The following HTR2C variants were observed in gnomAD, a reference collection of about 807,000 sequenced individuals.
The protein encoded by HTR2C is 5-hydroxytryptamine receptor 2C.
HTR2C carries 5 observed loss-of-function variants against 21.0 expected under a neutral mutation model. The ratio of observed to expected loss-of-function variants is 0.24; its 90% CI spans 0.12 to 0.50. HTR2C has a LOEUF of 0.50. HTR2C is among the 20% of genes least tolerant of loss of function. HTR2C has a pLI of 0.98. For synonymous variants in HTR2C, 150 were observed against 145.3 expected, an observed-to-expected ratio of 1.03 and a Z score of -0.23; for missense variants, 271 against 371.2, an observed-to-expected ratio of 0.73 and a Z score of 2.22.
intron 4 of HTR2C, among the ~76,000 whole-genome samples, chrX:114,765,973 A>C (rs2069944244): frequency 9.0e-6 from 1 of 111,622 alleles, no homozygotes; most frequent in Non-Finnish European, 1.9e-5. Context: ...GACTTGAAGG[A>C]TTTTCATACT....
At chrX:114,609,117 T>C (rs1277124157) in intron 1 of HTR2C, among the ~76,000 whole-genome samples, 3 of 111,732 alleles carry the variant, frequency 2.7e-5, no homozygotes, top group African/African-American at 6.5e-5. Context: ...GTAGGAACTT[T>C]GGTTGGTATG....
At chrX:114,726,378 G>A (rs900489854) in intron 2 of HTR2C, among the ~76,000 whole-genome samples, 85 of 112,080 alleles carry the variant, frequency 7.6e-4, no homozygotes, top group Non-Finnish European at 1.3e-3. Flanking sequence ...TTCGGCTCGC[G>A]CACGGTGCGT....
chrX:114,603,102 G>A (rs1556395322), intron 1 of HTR2C, among the ~76,000 whole-genome samples: 1 of 110,502 alleles, frequency 9.0e-6, no homozygotes, highest in Non-Finnish European at 1.9e-5. Flanking sequence ...GGGGAAATGG[G>A]GTGAATGTCA....
At chrX:114,700,646 A>T (rs1161126472) in intron 2 of HTR2C, among the ~76,000 whole-genome samples, 2 of 112,532 alleles carry the variant, frequency 1.8e-5, no homozygotes, top group Non-Finnish European at 3.8e-5. Context: ...AAGACAGGTG[A>T]TTTCCTCATT....
chrX:114,877,595 G>T (rs1409802016), intron 5 of HTR2C, among the ~76,000 whole-genome samples: 1 of 110,213 alleles, frequency 9.1e-6, no homozygotes, highest in Admixed American at 9.7e-5. Flanking sequence ...CTTCCTATTA[G>T]AACTACTATT....
At chrX:114,634,271 G>A (rs1236446984) in intron 2 of HTR2C, among the ~76,000 whole-genome samples, 1 of 109,926 alleles carries the variant, frequency 9.1e-6, no homozygotes, top group Non-Finnish European at 1.9e-5. Flanking sequence ...TTAGAAACAA[G>A]GCTAATTTTT....
chrX:114,775,697 C>G, intron 4 of HTR2C: 1 of 627,195 alleles, frequency 1.6e-6, no homozygotes, highest in Admixed American at 2.9e-5. Flanking sequence ...AAGGTTGATG[C>G]TCTTATTCAG....
chrX:114,872,068 C>G, intron 5 of HTR2C, among the ~76,000 whole-genome samples: 1 of 109,778 alleles, frequency 9.1e-6, no homozygotes, highest in Middle Eastern at 4.3e-3. Context: ...TAGGTAAACT[C>G]ATGTCACTAG....
chrX:114,707,515 A>C (rs1167054687), intron 2 of HTR2C, among the ~76,000 whole-genome samples: 5 of 112,069 alleles, frequency 4.5e-5, no homozygotes, highest in Non-Finnish European at 7.5e-5. Context: ...TGTAAACATC[A>C]CTTTAAAAGC....
intron 4 of HTR2C, among the ~76,000 whole-genome samples, chrX:114,822,048 T>C (rs368681582): frequency 9.1e-6 from 1 of 110,333 alleles, no homozygotes; most frequent in Admixed American, 9.7e-5. Flanking sequence ...GGTTTCGCCA[T>C]GTTGGCCAGG....
At chrX:114,722,721 T>G (rs1933272692) in intron 2 of HTR2C, among the ~76,000 whole-genome samples, 1 of 107,579 alleles carries the variant, frequency 9.3e-6, no homozygotes, top group Non-Finnish European at 1.9e-5. Flanking sequence ...GTTTTTAGCA[T>G]GAAGGATTGT....
intron 5 of HTR2C, among the ~76,000 whole-genome samples, chrX:114,854,140 A>C (rs1354885943): frequency 2.7e-5 from 3 of 111,428 alleles, no homozygotes; most frequent in Non-Finnish European, 5.7e-5. Context: ...TAATTGTTTA[A>C]TTTATGAATT....
At chrX:114,734,539 C>A (rs1349004414) in intron 4 of HTR2C, among the ~76,000 whole-genome samples, 1 of 53,243 alleles carries the variant, frequency 1.9e-5, no homozygotes, top group African/African-American at 7.8e-5. Context: ...TTTACAAGAG[C>A]AAGAGTGTTA....
rs782293156 is a variant in HTR2C, at chrX:114,812,765, C to A, written c.350-35238C>A. Among the ~76,000 whole-genome samples the A allele has an allele frequency of 5.7e-4, 55 of 96,389 alleles. 1 individual carries two copies. The highest frequency in any genetic ancestry group is 2.0e-3 in the African/African-American group (52 of 26,567). The allele number at this position is 96,389 out of a possible 115,157, so 83.7% of individuals were successfully genotyped here. On this transcript the variant is annotated intron_variant, in intron 4 of 5. Transcript: ENST00000276198. The stretch of plus-strand genomic sequence containing the variant: ...ACAAACAAACAAACAAAAAAAAAAA[C>A]AAAAAAACAAGGCTATCTTGTTAAA...
rs782715172 is a variant in HTR2C at position 114,907,085 on chromosome X, T to A, written c.1047T>A (p.Leu349=). 1 of 1,211,589 alleles carries A rather than the reference T, an allele frequency of 8.3e-7. No homozygotes were observed. Reference sequence around the variant, plus strand: ...GTAACCAAAAGCTCATGGAAAAGCTTCTGAATGTGTTTGTTTGGATTGGCT... The same window carrying A: ...GTAACCAAAAGCTCATGGAAAAGCTACTGAATGTGTTTGTTTGGATTGGCT... ...KSCNQKLMEK[L]LNVFVWIGYV... is the part of the protein sequence containing the mutation. The change falls in exon 6 of 6, where the codon CTT becomes CTA. Residue 349 remains leucine (L), a synonymous_variant. Coordinates refer to ENST00000276198, the MANE Select transcript of HTR2C (RefSeq NM_000868.4).
intron 4 of HTR2C, among the ~76,000 whole-genome samples, chrX:114,824,761 A>C (rs1371432212): frequency 8.9e-6 from 1 of 112,025 alleles, no homozygotes; most frequent in East Asian, 2.8e-4. Flanking sequence ...AGGCTGAAAA[A>C]CAGGCTGATT....
chrX:114,747,508 G>T (rs782608082), intron 4 of HTR2C, among the ~76,000 whole-genome samples: 7 of 112,398 alleles, frequency 6.2e-5, no homozygotes, highest in Admixed American at 1.9e-4. Flanking sequence ...GACGCTCCTA[G>T]AAATAATACA....
intron 5 of HTR2C, among the ~76,000 whole-genome samples, chrX:114,883,341 A>G (rs1556480295): frequency 9.1e-6 from 1 of 110,384 alleles, no homozygotes; most frequent in African/African-American, 3.3e-5. Flanking sequence ...TAACCAAAAG[A>G]TTGTCAATCT....
chrX:114,789,929 T>C (rs1398550561), intron 4 of HTR2C, among the ~76,000 whole-genome samples: 1 of 112,211 alleles, frequency 8.9e-6, no homozygotes, highest in African/African-American at 3.2e-5. Context: ...AATAATATGT[T>C]TAGCATTCTA....
Sources: allele counts gnomAD v4.1 joint callset (sites outside exome capture counted in the v4.1 genomes callset), GRCh38; gene constraint gnomAD v4.1.1; transcripts MANE v1.5; gene names NCBI Gene and HGNC (gene_info 2026-07-23, HGNC 2026-07-21).